The following GPHN variants were observed in gnomAD, a reference collection of about 807,000 sequenced individuals.
GPHN encodes gephyrin.
Under a neutral mutation model 95.5 loss-of-function variants are expected in GPHN, and 17 were observed. The observed-to-expected ratio is 0.18, with a 90% CI of 0.12 to 0.27. The LOEUF is 0.27. GPHN is among the 10% of genes least tolerant of loss of function. The pLI is 1.00. For synonymous variants in GPHN, 320 were observed against 322.5 expected, an observed-to-expected ratio of 0.99 and a Z score of 0.08; for missense variants, 660 against 978.1, an observed-to-expected ratio of 0.67 and a Z score of 4.34.
intron 10 of GPHN, among the ~76,000 whole-genome samples, chr14:67,038,683 C>A (rs959937626): frequency 2.0e-5 from 3 of 152,130 alleles, no homozygotes; most frequent in African/African-American, 7.2e-5. Context: ...GCTCCAGATT[C>A]TCCTTGCTGT....
intron 1 of GPHN, among the ~76,000 whole-genome samples, chr14:66,568,668 T>C (rs940757717): frequency 2.0e-5 from 3 of 152,142 alleles, no homozygotes; most frequent in African/African-American, 7.2e-5. Flanking sequence ...ATTAAACAGA[T>C]TGAATTCTAT....
chr14:66,955,739 G>A (rs570713387), intron 8 of GPHN, among the ~76,000 whole-genome samples: 1 of 151,734 alleles, frequency 6.6e-6, no homozygotes, highest in African/African-American at 2.4e-5. Context: ...GGTATGTGAT[G>A]TTCCCCTTCC....
the GPHN span, chr14:67,333,329 A>G: frequency 6.2e-6 from 1 of 162,014 alleles, no homozygotes; most frequent in African/African-American, 2.4e-5. Flanking sequence ...TATTGATGTG[A>G]TTATTCTTAA....
intron 9 of GPHN, among the ~76,000 whole-genome samples, chr14:67,014,288 A>C (rs1327655318): frequency 1.3e-5 from 2 of 151,932 alleles, no homozygotes; most frequent in Non-Finnish European, 2.9e-5. Flanking sequence ...CTTTACAAAT[A>C]TCTTATGAGA....
chr14:67,327,456 G>A, the GPHN span, among the ~76,000 whole-genome samples: 1 of 151,390 alleles, frequency 6.6e-6, no homozygotes, highest in African/African-American at 2.4e-5. Flanking sequence ...TCCGGGGTGT[G>A]GGGGGAAGGT....
At chr14:67,189,972 C>T in the GPHN span, among the ~76,000 whole-genome samples, 3 of 150,236 alleles carry the variant, frequency 2.0e-5, no homozygotes, top group Admixed American at 6.7e-5. Context: ...TCCCGAGTAG[C>T]TGGGATTACA....
At chr14:67,637,505 T>TA in the GPHN span, among the ~76,000 whole-genome samples, 83 of 150,500 alleles carry the variant, frequency 5.5e-4, no homozygotes, top group East Asian at 5.3e-3. Flanking sequence ...TCACTCCTCT[T>TA]AAAAAAAAAC....
chr14:66,820,595 G>C (rs2061152042), intron 3 of GPHN, among the ~76,000 whole-genome samples: 1 of 152,112 alleles, frequency 6.6e-6, no homozygotes, highest in African/African-American at 2.4e-5. Flanking sequence ...ATAAGAAAAA[G>C]ATATGGAGTC....
Position 67,144,236 on chromosome 14 carries a change from TAAAAAA to T in GPHN, c.1836+797_1836+802del, listed in dbSNP as rs1216565518. ...TGGGCAACACAGCAAGACCCTGTCT[TAAAAAA>T]AAAAAAAAATATATATATATATATA... On this transcript the variant is annotated intron_variant, in intron 18 of 22. Transcript: ENST00000478722. 2.3e-3 allele frequency among the ~76,000 whole-genome samples: 122 copies of T among 54,026 alleles called. 10 individuals are homozygous for T. The highest frequency in any genetic ancestry group is 0.011 in the African/African-American group (84 of 7,514). 35.4% of individuals were successfully genotyped at this position (54,026 alleles called of 152,430 possible).
At chr14:67,365,089 C>T in the GPHN span, 1 of 1,395,970 alleles carries the variant, frequency 7.2e-7, no homozygotes, top group Non-Finnish European at 9.5e-7. Context: ...AAATTGCAAG[C>T]TGCAGCTTAA....
chr14:66,523,629 T>G (rs1364754990), intron 1 of GPHN, among the ~76,000 whole-genome samples: 1 of 152,076 alleles, frequency 6.6e-6, no homozygotes, highest in African/African-American at 2.4e-5. Flanking sequence ...TAAGCTTTAG[T>G]TTTTTTCATC....
intron 18 of GPHN, among the ~76,000 whole-genome samples, chr14:67,146,089 G>A (rs146854184): frequency 4.6e-5 from 7 of 152,270 alleles, no homozygotes; most frequent in Admixed American, 1.3e-4. Flanking sequence ...CATGCTAGGA[G>A]CACTAAGATC....
Position 66,654,801 on chromosome 14 carries a change from A to G in GPHN, c.65-26306A>G, listed in dbSNP as rs115405737. Among the ~76,000 whole-genome samples the G allele has an allele frequency of 3.5e-3, 530 of 152,206 alleles. 4 individuals are homozygous for G. The highest frequency in any genetic ancestry group is 0.012 in the African/African-American group (508 of 41,536). ...GTTTTACACTTCATATTTAAGTACA[A>G]TGTCCATTTTGAGTTATTTTTTATG... On this transcript the variant is annotated intron_variant, in intron 1 of 22. Transcript: ENST00000478722.
intron 9 of GPHN, among the ~76,000 whole-genome samples, chr14:67,005,316 A>G (rs1265015141): frequency 1.3e-5 from 2 of 151,834 alleles, no homozygotes; most frequent in African/African-American, 4.8e-5. Context: ...AGATTTTTTA[A>G]TAGTATTCTT....
the GPHN span, among the ~76,000 whole-genome samples, chr14:67,262,225 G>A: frequency 6.6e-6 from 1 of 152,124 alleles, no homozygotes; most frequent in Non-Finnish European, 1.5e-5. Flanking sequence ...ATATAAGTAT[G>A]TAAATTACTT....
the GPHN span, chr14:67,576,121 G>A: frequency 2.5e-6 from 2 of 785,372 alleles, no homozygotes; most frequent in South Asian, 3.7e-5. This position sits in a 1 kb window ranked among gnomAD's most constrained non-coding sequence, Gnocchi z 4.0. Flanking sequence ...GGACACTTTG[G>A]CAACTAATAT....
intron 5 of GPHN, among the ~76,000 whole-genome samples, chr14:66,885,056 A>C (rs938585538): frequency 6.6e-6 from 1 of 151,986 alleles, no homozygotes; most frequent in Non-Finnish European, 1.5e-5. Flanking sequence ...TCAGGAAATA[A>C]CAACACAAAA....
chr14:66,767,804 C>T (rs61989618), intron 2 of GPHN, among the ~76,000 whole-genome samples: 1 of 151,986 alleles, frequency 6.6e-6, no homozygotes, highest in Admixed American at 6.6e-5. Context: ...TTCCCAGCAA[C>T]ATACAACAAT....
chr14:66,554,608 G>A (rs1352321274), intron 1 of GPHN, among the ~76,000 whole-genome samples: 1 of 152,130 alleles, frequency 6.6e-6, no homozygotes, highest in African/African-American at 2.4e-5. Context: ...CAGCATGGAG[G>A]AACCACCCTC....
Sources: gnomAD v4.1 joint callset for allele counts (sites outside exome capture counted in the v4.1 genomes callset) on GRCh38, gnomAD v4.1.1 for gene constraint, Gnocchi (gnomAD v3.1) non-coding constraint, MANE v1.5 for transcripts, NCBI Gene and HGNC (gene_info 2026-07-23, HGNC 2026-07-21) for gene names.